Variants in DENND4B observed in about 807,000 individuals in gnomAD.
DENND4B encodes DENN domain containing 4B.
In DENND4B, 67 loss-of-function variants were observed where a neutral mutation model predicts 161.0. That is an observed-to-expected ratio of 0.42 (90% confidence interval 0.34 to 0.51). The LOEUF (loss-of-function observed/expected upper bound fraction) is 0.51. Ranked by LOEUF, DENND4B falls within the 20% of genes least tolerant of loss-of-function variation. The probability of loss-of-function intolerance (pLI) is 0.08; values close to 1 mark genes in which losing one functional copy is unlikely to be tolerated. For synonymous variants in DENND4B, 753 were observed against 813.8 expected (o/e 0.93, Z 1.27); for missense variants, 1,481 against 1,968.0 (o/e 0.75, Z 4.68).
Position 153,933,232 on chromosome 1 carries a change from C to G in DENND4B, c.3418G>C (p.Asp1140His), listed in dbSNP as rs1334483549. ...SLRRSSERLSDTPGSFQSPSL... is the reference protein window; with the variant it reads ...SLRRSSERLSHTPGSFQSPSL... ...GGTGACTGGAAGGATCCAGGGGTGTCACTGAGGCGCTCTGAGGAACGGCGA... is the reference window on the plus strand; with the variant it reads ...GGTGACTGGAAGGATCCAGGGGTGTGACTGAGGCGCTCTGAGGAACGGCGA... The change falls in exon 21 of 28, where the codon GAC (aspartate) becomes CAC (histidine). Residue 1140 changes from aspartate (D) to histidine (H), a missense_variant. By Grantham distance (81) the Asp-to-His change is moderately conservative. This residue lies in a region of DENND4B where 336 missense variants were observed against 503.3 expected (regional missense o/e 0.67). Transcript: ENST00000361217. This position sits in a 1 kb window ranked among gnomAD's most constrained non-coding sequence, Gnocchi z 5.7. 1 of 1,613,076 alleles carries G rather than the reference C, an allele frequency of 6.2e-7. No individual in the cohort carries two copies. The highest frequency in any genetic ancestry group is 1.7e-5 in the Admixed American group (1 of 59,870).
In DENND4B at chr1:153,934,219, A is replaced by C; in HGVS notation, c.2857T>G (p.Ser953Ala). 6.2e-7 allele frequency: 1 copy of C among 1,605,420 alleles called. No individual in the cohort carries two copies. Among genetic ancestry groups the C allele is most frequent in the Non-Finnish European group, 8.5e-7 (1 of 1,176,594 alleles). ...CTCTTCACCAGGCGTCCAGGGGGTGAGGCTGGGTCTCTCAGACTTCGCCCA... is the reference window on the plus strand; with the variant it reads ...CTCTTCACCAGGCGTCCAGGGGGTGCGGCTGGGTCTCTCAGACTTCGCCCA... ...WAGRSLRDPA[S>A]PPGRLVKSGS... Residue 953 changes from serine (S) to alanine (A), a missense_variant, in exon 19 of 28, where the codon TCA (serine) becomes GCA (alanine). Ser to Ala is a moderately conservative substitution (Grantham distance 99). Coordinates refer to ENST00000361217, the MANE Select transcript of DENND4B (RefSeq NM_014856.3). The surrounding 1 kb of genome is among the most constrained non-coding windows in gnomAD (Gnocchi z 5.3).
Position 153,936,791 on chromosome 1 carries a change from GTCTT to G in DENND4B, c.2233-47_2233-44del. On this transcript the variant is annotated intron_variant, in intron 15 of 27. Transcript: ENST00000361217. This position sits in a 1 kb window ranked among gnomAD's most constrained non-coding sequence, Gnocchi z 4.1. ...CACATCAGGGTGAGTACAATGCCAGGTCTTTCTTACTTATCTATTTATTTATTTA... is the reference window on the plus strand; with the variant it reads ...CACATCAGGGTGAGTACAATGCCAGGTCTTACTTATCTATTTATTTATTTA... The G allele has an allele frequency of 6.9e-6, 10 of 1,448,006 alleles. No individual in the cohort carries two copies. Among genetic ancestry groups the G allele is most frequent in the African/African-American group, 1.4e-5 (1 of 69,878 alleles). The allele number at this position is 1,448,006 out of a possible 1,614,324, so 89.7% of individuals were successfully genotyped here. A position where few individuals can be genotyped will look rare whatever the true frequency, so the allele number is the denominator to read the frequency against.
intron 6 of DENND4B, 95 bp downstream of exon 6, chr1:153,941,774 A>AGGCC: frequency 3.2e-6 from 2 of 618,132 alleles, no homozygotes; most frequent in African/African-American, 1.9e-5. Flanking sequence ...CCCTGTGCCC[A>AGGCC]GCCCTCCCCC....
In DENND4B at chr1:153,940,828, A is replaced by G. The variant is rs1426366913; in HGVS notation, c.1326+76T>C. The G allele has an allele frequency of 3.3e-6, 5 of 1,503,614 alleles. No individual in the cohort carries two copies. Among genetic ancestry groups the G allele is most frequent in the Non-Finnish European group, 4.4e-6 (5 of 1,130,108 alleles). The allele number at this position is 1,503,614 out of a possible 1,614,324, so 93.1% of individuals were successfully genotyped here. A position where few individuals can be genotyped will look rare whatever the true frequency, so the allele number is the denominator to read the frequency against. Reference sequence around the variant, plus strand: ...ATCCTCCACAAGGAAGGAAAAGGGAAGAGTCCAGGCAGGGATAGGGGCACC... The same window carrying G: ...ATCCTCCACAAGGAAGGAAAAGGGAGGAGTCCAGGCAGGGATAGGGGCACC... On this transcript the variant is annotated intron_variant, in intron 9 of 27. Transcript: ENST00000361217. The surrounding 1 kb of genome is among the most constrained non-coding windows in gnomAD (Gnocchi z 5.6).
Position 153,943,115 on chromosome 1 carries a change from C to T in DENND4B, c.333G>A (p.Gly111=). ...GGAAGCCAGGCTTGGGACGTTCCTTCCCCTCATACAACACCCTTGGCACAG... is the reference window on the plus strand; with the variant it reads ...GGAAGCCAGGCTTGGGACGTTCCTTTCCCTCATACAACACCCTTGGCACAG... ...PLVELGVLYE[G]KERPKPGFQV... Residue 111 remains glycine (G), a synonymous_variant, in exon 3 of 28, where the codon GGG becomes GGA. Transcript: ENST00000361217. The T allele has an allele frequency of 6.2e-7, 1 of 1,613,110 alleles. No homozygotes were observed. Among genetic ancestry groups the T allele is most frequent in the East Asian group, 2.2e-5 (1 of 44,860 alleles).
rs1421860346 is a variant in DENND4B, at chr1:153,942,103, G to C, written c.821C>G (p.Ala274Gly). 3.7e-6 allele frequency: 6 copies of C among 1,613,310 alleles called. No individual in the cohort carries two copies. The highest frequency in any genetic ancestry group is 4.2e-6 in the Non-Finnish European group (5 of 1,179,734). The change falls in exon 6 of 28, where the codon GCC becomes GGC. Residue 274 changes from alanine to glycine, a missense_variant. Ala to Gly is a moderately conservative substitution (Grantham distance 60, BLOSUM62 0). This residue lies in a region of DENND4B where 806 missense variants were observed against 1,134.4 expected (regional missense o/e 0.71). Coordinates refer to ENST00000361217, the MANE Select transcript of DENND4B (RefSeq NM_014856.3). This position sits in a 1 kb window ranked among gnomAD's most constrained non-coding sequence, Gnocchi z 6.9. ...TGAAGDKVYG[A>G]ALQFYEAFPR... ...GAACGCCTCGTAGAACTGCAGGGCG[G>C]CACCATACACCTGGCAGGGGGCAGA...
chr1:153,930,216 G>T lies in DENND4B; in HGVS notation c.*81C>A. 1 of 1,503,704 alleles carries T rather than the reference G, an allele frequency of 6.7e-7. No individual in the cohort carries two copies. 93.1% of individuals were successfully genotyped at this position (1,503,704 alleles called of 1,614,324 possible). A position where few individuals can be genotyped will look rare whatever the true frequency, so the allele number is the denominator to read the frequency against. On this transcript the variant is annotated 3_prime_UTR_variant, in exon 28 of 28. Coordinates refer to ENST00000361217, the MANE Select transcript of DENND4B (RefSeq NM_014856.3). This position sits in a 1 kb window ranked among gnomAD's most constrained non-coding sequence, Gnocchi z 4.7. ...CCCAGCCTGTTCCCAACTCCATGAA[G>T]GCAACAGGGAAGCAGTTTAACTCTA...
At chr1:153,941,178 C>T in intron 8 of DENND4B, 53 bp downstream of exon 8, 2 of 1,606,538 alleles carry the variant, frequency 1.2e-6, no homozygotes, top group South Asian at 1.1e-5. Context: ...CTGCCCAGCA[C>T]CTACCATGTC....
rs1679511057 is a variant in DENND4B at position 153,938,931 on chromosome 1, G to C, written c.1934C>G (p.Ala645Gly). 2.5e-6 allele frequency: 4 copies of C among 1,600,266 alleles called. No individual in the cohort carries two copies. Among genetic ancestry groups the C allele is most frequent in the Non-Finnish European group, 2.6e-6 (3 of 1,173,310 alleles). ...AACACAAGAGTCAAAGAATTCAAGG[G>C]CAGCATGGCGAGCAGAGCCAAAAGA... ...ECSFGSARHA[A>G]LEFFDSCVEK... is the part of the protein sequence containing the mutation. The change falls in exon 13 of 28, where the codon GCC becomes GGC. Residue 645 changes from alanine (A) to glycine (G), a missense_variant. Physicochemically the swap from Ala to Gly is moderately conservative, Grantham distance 60. Around this residue, in one of 3 missense-constraint regions of DENND4B, gnomAD observed 806 missense variants for 1,134.4 expected, o/e 0.71. Transcript: ENST00000361217.
chr1:153,933,652 C>G lies in DENND4B; in HGVS notation c.3161G>C (p.Arg1054Pro), dbSNP rs1557847481. ...GGRQDEAGTP[R>P]RGLGARLQQL... ...TTGGAGGCGGGCACCCAGCCCTCGTCGGGGGGTGCCTGCCTCATCCTGTCG... is the reference window on the plus strand; with the variant it reads ...TTGGAGGCGGGCACCCAGCCCTCGTGGGGGGGTGCCTGCCTCATCCTGTCG... Residue 1054 changes from arginine (R) to proline (P), a missense_variant, in exon 20 of 28, where the codon CGA becomes CCA. Arg to Pro is a moderately radical substitution (Grantham distance 103, BLOSUM62 -2). Transcript: ENST00000361217. This position sits in a 1 kb window ranked among gnomAD's most constrained non-coding sequence, Gnocchi z 5.7. 1.9e-6 allele frequency: 3 copies of G among 1,566,058 alleles called. No individual in the cohort carries two copies. Among genetic ancestry groups the G allele is most frequent in the East Asian group, 2.3e-5 (1 of 42,854 alleles).
intron 17 of DENND4B, chr1:153,935,272 TA>T: frequency 2.6e-6 from 1 of 386,260 alleles, no homozygotes; most frequent in Non-Finnish European, 4.6e-6. Context: ...TCTCCTCATC[TA>T]AAAAACAGGA....
chr1:153,943,153 G>C, intron 2 of DENND4B, 23 bp from the exon 3 acceptor site: 1 of 1,599,662 alleles, frequency 6.3e-7, no homozygotes, highest in Non-Finnish European at 8.5e-7. Context: ...AGCAAAGATA[G>C]ATGTTGAGAG....
Position 153,940,109 on chromosome 1 carries a change from G to T in DENND4B, c.1603+47C>A. 1 of 1,474,732 alleles carries T rather than the reference G, an allele frequency of 6.8e-7. No homozygotes were observed. 91.4% of individuals were successfully genotyped at this position (1,474,732 alleles called of 1,614,324 possible). A position where few individuals can be genotyped will look rare whatever the true frequency, so the allele number is the denominator to read the frequency against. On this transcript the variant is annotated intron_variant, in intron 11 of 27. Transcript: ENST00000361217. This position sits in a 1 kb window ranked among gnomAD's most constrained non-coding sequence, Gnocchi z 5.6. The stretch of plus-strand genomic sequence containing the variant: ...ACAGACCTCTGCAAACTGGAGGTTT[G>T]AGGGCAATGACAGTTCCCAGCCTCC...
Position 153,940,107 on chromosome 1 carries a change from T to G in DENND4B, c.1603+49A>C, listed in dbSNP as rs756224547. The G allele has an allele frequency of 5.5e-6, 8 of 1,464,874 alleles. No homozygotes were observed. In the South Asian group the frequency reaches 8.2e-5, roughly 15 times the overall value. The allele number at this position is 1,464,874 out of a possible 1,614,324, so 90.7% of individuals were successfully genotyped here. On this transcript the variant is annotated intron_variant, in intron 11 of 27. Transcript: ENST00000361217. The surrounding 1 kb of genome is among the most constrained non-coding windows in gnomAD (Gnocchi z 5.6). ...CCACAGACCTCTGCAAACTGGAGGT[T>G]TGAGGGCAATGACAGTTCCCAGCCT...
rs908421227 is a variant in DENND4B, at chr1:153,931,928, C to T, written c.3996+276G>A. Reference sequence around the variant, plus strand: ...AAGCAATTCTCCCACCTCAGCCTCCCGAGTAGCTGGGATTACAGGCATGCA... The same window carrying T: ...AAGCAATTCTCCCACCTCAGCCTCCTGAGTAGCTGGGATTACAGGCATGCA... On this transcript the variant is annotated intron_variant, in intron 24 of 27. Coordinates refer to ENST00000361217, the MANE Select transcript of DENND4B (RefSeq NM_014856.3). Among the ~76,000 whole-genome samples, 24 of 152,044 alleles carry T rather than the reference C, an allele frequency of 1.6e-4. 1 individual carries two copies. Among genetic ancestry groups the T allele is most frequent in the African/African-American group, 5.3e-4 (22 of 41,398 alleles).
chr1:153,938,639 T>C lies in DENND4B; in HGVS notation c.1965+261A>G, dbSNP rs187396734. 4.2e-4 allele frequency among the ~76,000 whole-genome samples: 63 copies of C among 151,314 alleles called. 1 individual carries two copies. In the East Asian group the frequency reaches 0.01, roughly 25 times the overall value. The stretch of plus-strand genomic sequence containing the variant: ...ATGGCGTGAACCCGGGAGGCAGAGC[T>C]TGTAGTGAGCTGAGATCACGCCCCT... On this transcript the variant is annotated intron_variant, in intron 13 of 27. Transcript: ENST00000361217.
chr1:153,933,095 C>T lies in DENND4B; in HGVS notation c.3454-65G>A. 6.2e-7 allele frequency: 1 copy of T among 1,610,410 alleles called. No individual in the cohort carries two copies. Among genetic ancestry groups the T allele is most frequent in the African/African-American group, 1.3e-5 (1 of 74,960 alleles). ...CGCCAGCACTCTGGAGCCCATGCCCCTTCCCCAGCCCCTCCCACCTCCTCC... is the reference window on the plus strand; with the variant it reads ...CGCCAGCACTCTGGAGCCCATGCCCTTTCCCCAGCCCCTCCCACCTCCTCC... On this transcript the variant is annotated intron_variant, in intron 21 of 27. Transcript: ENST00000361217. This position sits in a 1 kb window ranked among gnomAD's most constrained non-coding sequence, Gnocchi z 5.7.
At chr1:153,943,955 C>T (rs986285194) in intron 2 of DENND4B, 103 bp downstream of exon 2, 3 of 1,313,318 alleles carry the variant, frequency 2.3e-6, no homozygotes, top group Non-Finnish European at 3.0e-6. Flanking sequence ...CCACCAGGCT[C>T]CCATCCCCAT....
At chr1:153,941,787 C>T in intron 6 of DENND4B, 82 bp downstream of exon 6, 1 of 1,113,794 alleles carries the variant, frequency 9.0e-7, no homozygotes, top group Non-Finnish European at 1.3e-6. Flanking sequence ...CCTCCCCCCA[C>T]CCACATCTGA....
Sources: gnomAD v4.1 joint callset for allele counts (sites outside exome capture counted in the v4.1 genomes callset) on GRCh38, gnomAD v4.1.1 for gene constraint, gnomAD v4.1.1 regional missense constraint, Gnocchi (gnomAD v3.1) non-coding constraint, MANE v1.5 for transcripts, NCBI Gene and HGNC (gene_info 2026-07-23, HGNC 2026-07-21) for gene names.